Variants in PPP2R5C observed in about 807,000 individuals in gnomAD.
The protein encoded by PPP2R5C is protein phosphatase 2 regulatory subunit B'gamma.
In PPP2R5C, 7 loss-of-function variants were observed where a neutral mutation model predicts 68.9. The observed-to-expected ratio is 0.10, with a 90% confidence interval of 0.06 to 0.19. PPP2R5C has a LOEUF of 0.19. Ranked by LOEUF, PPP2R5C falls within the 10% of genes least tolerant of loss-of-function variation. The probability of loss-of-function intolerance (pLI) is 1.00; values close to 1 mark genes in which losing one functional copy is unlikely to be tolerated. For missense variants in PPP2R5C, 348 were observed against 641.3 expected, an observed-to-expected ratio of 0.54 and a Z score of 4.94; for synonymous variants, 210 against 222.2, an observed-to-expected ratio of 0.95 and a Z score of 0.49.
At chr14:101,919,979 A>C (rs4906161) in intron 13 of PPP2R5C, among the ~76,000 whole-genome samples, 4 of 148,022 alleles carry the variant, frequency 2.7e-5, no homozygotes, top group African/African-American at 7.9e-5. Context: ...CAAAAAAAAA[A>C]AAAAAAAAAA....
chr14:101,818,551 C>T (rs1347347986), intron 1 of PPP2R5C: 2 of 158,626 alleles, frequency 1.3e-5, no homozygotes, highest in African/African-American at 4.9e-5. Flanking sequence ...AGGAGAATCA[C>T]TTAAACCTGG....
At chr14:101,840,185 C>T (rs991146992) in intron 1 of PPP2R5C, among the ~76,000 whole-genome samples, 1 of 152,056 alleles carries the variant, frequency 6.6e-6, no homozygotes, top group South Asian at 2.1e-4. Flanking sequence ...ATACATATCA[C>T]ATTATTCTTT....
chr14:101,815,879 A>G (rs1397440972), intron 1 of PPP2R5C, among the ~76,000 whole-genome samples: 1 of 152,182 alleles, frequency 6.6e-6, no homozygotes, highest in Non-Finnish European at 1.5e-5. Flanking sequence ...CGTGATGGCC[A>G]GGCTGCTCTC....
intron 3 of PPP2R5C, among the ~76,000 whole-genome samples, chr14:101,787,562 G>T (rs376220853): frequency 6.6e-6 from 1 of 151,384 alleles, no homozygotes; most frequent in Non-Finnish European, 1.5e-5. Flanking sequence ...AGGAGATCAA[G>T]ACCATCCTGG....
chr14:101,878,987 A>T (rs2043974958), intron 2 of PPP2R5C, among the ~76,000 whole-genome samples: 1 of 152,310 alleles, frequency 6.6e-6, no homozygotes, highest in African/African-American at 2.4e-5. Flanking sequence ...CCTAAATAAC[A>T]TCTTAGGCAA....
intron 2 of PPP2R5C, among the ~76,000 whole-genome samples, chr14:101,880,923 A>G (rs1026108491): frequency 6.6e-6 from 1 of 152,198 alleles, no homozygotes; most frequent in Non-Finnish European, 1.5e-5. Flanking sequence ...TCTCGTTGTT[A>G]TCGTAGAGTC....
intron 2 of PPP2R5C, among the ~76,000 whole-genome samples, chr14:101,771,317 C>A (rs2037142068): frequency 6.7e-6 from 1 of 149,472 alleles, no homozygotes; most frequent in African/African-American, 2.5e-5. Context: ...TGCAGTGGTG[C>A]GATCTTGGCT....
Position 101,915,456 on chromosome 14 carries a change from C to T in PPP2R5C, c.1327-2375C>T, listed in dbSNP as rs1048617665. On this transcript the variant is annotated intron_variant, in intron 12 of 13. Transcript: ENST00000334743. This position sits in a 1 kb window ranked among gnomAD's most constrained non-coding sequence, Gnocchi z 4.2. ...TGTGTGAGGTTTATTTTGCTGTGAA[C>T]ATCTGGTAGCATTCTTGTGTAGGGA... is the stretch of plus-strand genomic sequence containing the variant. Among the ~76,000 whole-genome samples, 1 of 152,186 alleles carries T rather than the reference C, an allele frequency of 6.6e-6. No homozygotes were observed. The highest frequency in any genetic ancestry group is 1.5e-5 in the Non-Finnish European group (1 of 68,026).
Position 101,775,475 on chromosome 14 carries a change from G to A in PPP2R5C, c.94-10543G>A, listed in dbSNP as rs115074174. Among the ~76,000 whole-genome samples, 821 of 152,338 alleles carry A rather than the reference G, an allele frequency of 5.4e-3. 6 individuals carry two copies. The highest frequency in any genetic ancestry group is 0.019 in the African/African-American group (779 of 41,578). ...TGGGGTGCTGTTGCCTGGCTGCACG[G>A]AAGGTTGTGGGGTGTGAGGGCACTT... is the stretch of plus-strand genomic sequence containing the variant. On this transcript the variant is annotated intron_variant, in intron 2 of 14. Transcript: ENST00000328724.
chr14:101,894,753 T>A (rs1244578924), intron 8 of PPP2R5C, among the ~76,000 whole-genome samples, 193 bp downstream of exon 10: 1 of 152,234 alleles, frequency 6.6e-6, no homozygotes, highest in African/African-American at 2.4e-5. Context: ...GATTCCTTTA[T>A]TATAGTGATT....
chr14:101,895,404 C>T (rs1324195456), intron 8 of PPP2R5C, among the ~76,000 whole-genome samples: 1 of 152,106 alleles, frequency 6.6e-6, no homozygotes, highest in Non-Finnish European at 1.5e-5. Flanking sequence ...TGTTGCGCAA[C>T]CATCACCACT....
intron 2 of PPP2R5C, among the ~76,000 whole-genome samples, chr14:101,874,746 T>G (rs192574405): frequency 3.3e-4 from 51 of 152,362 alleles, no homozygotes; most frequent in African/African-American, 1.1e-3. Context: ...TTGTTTGTTT[T>G]TTTTTTAATT....
At chr14:101,836,869 TTCA>T (rs1217290512) in intron 1 of PPP2R5C, among the ~76,000 whole-genome samples, 1 of 152,370 alleles carries the variant, frequency 6.6e-6, no homozygotes, top group East Asian at 1.9e-4. Flanking sequence ...AACAGGGTTA[TTCA>T]TCACGCTAAA....
chr14:101,910,423 A>G (rs1350032188), intron 11 of PPP2R5C, among the ~76,000 whole-genome samples: 1 of 152,198 alleles, frequency 6.6e-6, no homozygotes, highest in Non-Finnish European at 1.5e-5. Context: ...GTGTGTGTAT[A>G]TATATGAAAC....
At position 101,844,285 on chromosome 14, in the gene PPP2R5C, G is replaced by A. The variant is rs1003084106; in HGVS notation, c.95-12401G>A. The stretch of plus-strand genomic sequence containing the variant: ...ACAAGTTCGAGGAGGCTGGCAGCTT[G>A]CGGGAGGGGCCGGAGCGGTCTGGCA... On this transcript the variant is annotated intron_variant, in intron 1 of 13. Coordinates refer to ENST00000334743, the Ensembl canonical transcript of PPP2R5C. 5.3e-5 allele frequency among the ~76,000 whole-genome samples: 8 copies of A among 152,084 alleles called. 1 individual carries two copies. Among genetic ancestry groups the A allele is most frequent in the Non-Finnish European group, 7.4e-5 (5 of 68,014 alleles).
In PPP2R5C at chr14:101,901,444, G is replaced by C. The variant is rs138633364; in HGVS notation, c.853-275G>C. Among the ~76,000 whole-genome samples the C allele has an allele frequency of 9.3e-4, 141 of 152,290 alleles. 2 individuals are homozygous for C. The highest frequency in any genetic ancestry group is 6.9e-3 in the East Asian group (36 of 5,184). On this transcript the variant is annotated intron_variant, in intron 8 of 13. Coordinates refer to ENST00000334743, the Ensembl canonical transcript of PPP2R5C. ...AGAGGCTGAAAGAGGAGGATCACTT[G>C]AGCCAAGGAGTTCAAGTCCAGCCTG...
chr14:101,923,591 G>A (rs184993215), intron 13 of PPP2R5C, among the ~76,000 whole-genome samples: 3 of 152,304 alleles, frequency 2.0e-5, no homozygotes, highest in Admixed American at 1.3e-4. Context: ...CTCCAGAGAT[G>A]GATGATTCTC....
intron 1 of PPP2R5C, among the ~76,000 whole-genome samples, chr14:101,849,114 G>C (rs2042006644): frequency 6.6e-6 from 1 of 152,156 alleles, no homozygotes; most frequent in Admixed American, 6.5e-5. Flanking sequence ...TATCGCTTTG[G>C]AATGTTACAT....
chr14:101,899,700 C>T lies in PPP2R5C; in HGVS notation c.853-2019C>T, dbSNP rs1018989708. Among the ~76,000 whole-genome samples the T allele has an allele frequency of 3.9e-5, 6 of 152,152 alleles. No individual in the cohort carries two copies. The highest frequency in any genetic ancestry group is 2.6e-4 in the Admixed American group (4 of 15,270). On this transcript the variant is annotated intron_variant, in intron 8 of 13. Transcript: ENST00000334743. This position sits in a 1 kb window ranked among gnomAD's most constrained non-coding sequence, Gnocchi z 4.2. ...AGAAATAGATGTAGGAAGTGATTTCCATCTGCTGTGTCCTTAATAGTGATT... is the reference window on the plus strand; with the variant it reads ...AGAAATAGATGTAGGAAGTGATTTCTATCTGCTGTGTCCTTAATAGTGATT...
Sources: gnomAD v4.1 joint callset for allele counts (sites outside exome capture counted in the v4.1 genomes callset) on GRCh38, gnomAD v4.1.1 for gene constraint, Gnocchi (gnomAD v3.1) non-coding constraint, MANE v1.5 for transcripts, NCBI Gene and HGNC (gene_info 2026-07-23, HGNC 2026-07-21) for gene names.